CADPS2: variants seen among roughly 807,000 people sequenced by gnomAD.
CADPS2 encodes the protein calcium dependent secretion activator 2.
In CADPS2, 93 loss-of-function variants were observed where a neutral mutation model predicts 172.5. That is an observed-to-expected ratio of 0.54 (90% CI 0.46 to 0.64). The LOEUF (loss-of-function observed/expected upper bound fraction) is 0.64. Among genes scored for constraint, CADPS2 ranks in the 30% least tolerant of loss-of-function variants. The pLI, the probability that CADPS2 is intolerant of heterozygous loss-of-function variation, is 0.00. For missense variants in CADPS2, 1,420 were observed against 1,565.9 expected (o/e 0.91, Z 1.57); for synonymous variants, 546 against 555.2 (o/e 0.98, Z 0.23).
chr7:122,860,433 C>A (rs547222956), intron 1 of CADPS2, among the ~76,000 whole-genome samples: 2 of 152,146 alleles, frequency 1.3e-5, no homozygotes, highest in East Asian at 3.9e-4. Context: ...CAGGGTCTCA[C>A]TTTGTTGGCC....
At position 122,469,205 on chromosome 7, in the gene CADPS2, T is replaced by C. The variant is rs889664723; in HGVS notation, c.2186+2170A>G. 2.0e-5 allele frequency among the ~76,000 whole-genome samples: 3 copies of C among 152,186 alleles called. 1 individual carries two copies. Among genetic ancestry groups the C allele is most frequent in the African/African-American group, 7.2e-5 (3 of 41,464 alleles). On this transcript the variant is annotated intron_variant, in intron 14 of 29. Coordinates refer to ENST00000449022, the MANE Select transcript of CADPS2 (RefSeq NM_017954.11). Reference sequence around the variant, plus strand: ...TCCTTGTTGCCTCAGTAACTTTCCATTATAATGAGTCTCAAACACATATAT... The same window carrying C: ...TCCTTGTTGCCTCAGTAACTTTCCACTATAATGAGTCTCAAACACATATAT...
chr7:122,396,038 G>A (rs948441761), intron 20 of CADPS2, among the ~76,000 whole-genome samples: 2 of 152,108 alleles, frequency 1.3e-5, no homozygotes, highest in Non-Finnish European at 2.9e-5. Context: ...TCGAACTCCC[G>A]ACCTCAGGTG....
At chr7:122,633,165 T>G (rs756730909) in intron 3 of CADPS2, among the ~76,000 whole-genome samples, 2 of 152,068 alleles carry the variant, frequency 1.3e-5, no homozygotes, top group Non-Finnish European at 2.9e-5. Flanking sequence ...CTTAGGATAG[T>G]TTTGCCTATT....
chr7:122,413,963 G>A, intron 19 of CADPS2, 105 bp downstream of exon 19: 2 of 917,906 alleles, frequency 2.2e-6, no homozygotes, highest in Non-Finnish European at 3.3e-6. Context: ...TCAAAGAAAG[G>A]ACTAATTGGC....
At chr7:122,833,375 G>C (rs1807217717) in intron 1 of CADPS2, among the ~76,000 whole-genome samples, 1 of 151,962 alleles carries the variant, frequency 6.6e-6, no homozygotes, top group African/African-American at 2.4e-5. Context: ...TTTTGAGATG[G>C]AGTCTCGCTC....
At chr7:122,542,960 T>G (rs2063253589) in intron 8 of CADPS2, among the ~76,000 whole-genome samples, 1 of 152,116 alleles carries the variant, frequency 6.6e-6, no homozygotes, top group Non-Finnish European at 1.5e-5. Context: ...TATTTGTTCT[T>G]TCCCTGACTA....
intron 24 of CADPS2, chr7:122,386,329 GA>G (rs755147067): frequency 2.6e-4 from 352 of 1,367,848 alleles, no homozygotes; most frequent in South Asian, 7.7e-4. Flanking sequence ...GCCATGGGTG[GA>G]AAAAAAAAGA....
chr7:122,690,977 T>C (rs933252130), intron 2 of CADPS2, among the ~76,000 whole-genome samples: 4 of 152,044 alleles, frequency 2.6e-5, no homozygotes, highest in East Asian at 3.9e-4. Context: ...GTGCAGATTC[T>C]AGGTGTACCT....
chr7:122,695,210 T>A (rs1008454763), intron 2 of CADPS2, among the ~76,000 whole-genome samples: 1 of 152,186 alleles, frequency 6.6e-6, no homozygotes, highest in African/African-American at 2.4e-5. Flanking sequence ...CCGATAAGAG[T>A]TGAAATGCGT....
chr7:122,481,152 T>TTTC (rs2057246462), intron 11 of CADPS2, among the ~76,000 whole-genome samples: 1 of 149,190 alleles, frequency 6.7e-6, no homozygotes, highest in Non-Finnish European at 1.5e-5. Flanking sequence ...GAACATTTTC[T>TTTC]TTCTTCATTC....
At chr7:122,538,643 G>C (rs1219835483) in intron 8 of CADPS2, among the ~76,000 whole-genome samples, 1 of 148,406 alleles carries the variant, frequency 6.7e-6, no homozygotes, top group East Asian at 2.0e-4. Context: ...AATTAGAAAG[G>C]CCAGTAAAAC....
At chr7:122,703,733 T>C (rs1243043620) in intron 2 of CADPS2, among the ~76,000 whole-genome samples, 1 of 152,012 alleles carries the variant, frequency 6.6e-6, no homozygotes, top group Non-Finnish European at 1.5e-5. Context: ...GAAAATGTAT[T>C]GGAGAGGGAG....
intron 23 of CADPS2, 39 bp from the exon 24 acceptor site, chr7:122,387,212 C>A: frequency 6.5e-7 from 1 of 1,544,126 alleles, no homozygotes; most frequent in Non-Finnish European, 8.8e-7. Context: ...AGAAATTCTG[C>A]TATACAGCTC....
intron 1 of CADPS2, among the ~76,000 whole-genome samples, chr7:122,821,047 C>G (rs1445311414): frequency 6.6e-6 from 1 of 151,996 alleles, no homozygotes; most frequent in African/African-American, 2.4e-5. Flanking sequence ...TTCAGCTATA[C>G]TCACTCTTTG....
chr7:122,422,386 T>G lies in CADPS2; in HGVS notation c.2477-6222A>C, dbSNP rs527927463. On this transcript the variant is annotated intron_variant, in intron 17 of 29. Coordinates refer to ENST00000449022, the MANE Select transcript of CADPS2 (RefSeq NM_017954.11). ...AACAAGGACTGTCAGCCTACTCTTG[T>G]GGACTGCTTGCTGGCAAAACTTATC... Among the ~76,000 whole-genome samples, 363 of 152,298 alleles carry G rather than the reference T, an allele frequency of 2.4e-3. 2 individuals carry two copies. Among genetic ancestry groups the G allele is most frequent in the African/African-American group, 8.3e-3 (347 of 41,574 alleles).
At chr7:122,669,355 A>ATATTT (rs1554708351) in intron 2 of CADPS2, among the ~76,000 whole-genome samples, 35 of 139,508 alleles carry the variant, frequency 2.5e-4, no homozygotes, top group African/African-American at 9.3e-4. Flanking sequence ...ATATATATAT[A>ATATTT]TTTTTTTTTT....
chr7:122,648,332 T>C (rs2078777976), intron 3 of CADPS2, among the ~76,000 whole-genome samples: 1 of 152,162 alleles, frequency 6.6e-6, no homozygotes, highest in African/African-American at 2.4e-5. Flanking sequence ...GTTATCTAAA[T>C]GATTCCCAAA....
At position 122,318,749 on chromosome 7, in the gene CADPS2, C is replaced by G. The variant is rs1426331090; in HGVS notation, c.*1416G>C. ...GAGCCAAAACAATGCTAAATAGTAA[C>G]TGTAGATTAAATAGATTTTTAAGGC... On this transcript the variant is annotated 3_prime_UTR_variant, in exon 30 of 30. Coordinates refer to ENST00000449022, the MANE Select transcript of CADPS2 (RefSeq NM_017954.11). 1 of 152,158 alleles carries G rather than the reference C, an allele frequency of 6.6e-6. No homozygotes were observed. The highest frequency in any genetic ancestry group is 1.5e-5 in the Non-Finnish European group (1 of 68,044). 9.4% of individuals were successfully genotyped at this position (152,158 alleles called of 1,614,324 possible). A position where few individuals can be genotyped will look rare whatever the true frequency, so the allele number is the denominator to read the frequency against.
At chr7:122,464,057 TA>T (rs754738003) in intron 14 of CADPS2, among the ~76,000 whole-genome samples, 98 of 152,322 alleles carry the variant, frequency 6.4e-4, no homozygotes, top group Non-Finnish European at 7.9e-4. Flanking sequence ...TCTTGGTTTC[TA>T]AATACCATTC....
Sources: gnomAD v4.1 joint callset for allele counts (sites outside exome capture counted in the v4.1 genomes callset) on GRCh38, gnomAD v4.1.1 for gene constraint, MANE v1.5 for transcripts, NCBI Gene and HGNC (gene_info 2026-07-23, HGNC 2026-07-21) for gene names.